The following PSMD13 variants were observed in gnomAD, a reference collection of about 807,000 sequenced individuals.
PSMD13 encodes 26S proteasome non-ATPase regulatory subunit 13.
Under a neutral mutation model 57.4 loss-of-function variants are expected in PSMD13, and 8 were observed. The observed-to-expected ratio is 0.14, with a 90% CI of 0.08 to 0.25. The LOEUF (loss-of-function observed/expected upper bound fraction) is 0.25. PSMD13 is among the 10% of genes least tolerant of loss of function. The pLI is 1.00. For synonymous variants in PSMD13, 193 were observed against 168.2 expected (o/e 1.15, Z -1.14); for missense variants, 400 against 461.5 (o/e 0.87, Z 1.22).
rs35323262 is a variant in PSMD13 at position 244,938 on chromosome 11, CT to C, written c.396+196del. Among the ~76,000 whole-genome samples the C allele has an allele frequency of 4.8e-3, 669 of 139,032 alleles. 2 individuals are homozygous for C. Among genetic ancestry groups the C allele is most frequent in the Middle Eastern group, 0.015 (4 of 274 alleles). The allele number at this position is 139,032 out of a possible 152,430, so 91.2% of individuals were successfully genotyped here. On this transcript the variant is annotated intron_variant, in intron 6 of 12. Coordinates refer to ENST00000532097, the MANE Select transcript of PSMD13 (RefSeq NM_002817.4). Reference sequence around the variant, plus strand: ...CCAACCTAAATTTCCCATTGCAAACCTTTTTTTTTTTTTTTTTTTAAAGACG... The same window carrying C: ...CCAACCTAAATTTCCCATTGCAAACCTTTTTTTTTTTTTTTTTTAAAGACG...
intron 2 of PSMD13, 60 bp downstream of exon 2, chr11:239,136 A>C (rs1475982239): frequency 7.1e-7 from 1 of 1,400,008 alleles, no homozygotes; most frequent in East Asian, 2.3e-5. Flanking sequence ...TTTTGAAAAT[A>C]AGATAGGCTT....
chr11:246,564 C>A (rs1859652549), intron 6 of PSMD13, among the ~76,000 whole-genome samples: 1 of 152,158 alleles, frequency 6.6e-6, no homozygotes, highest in Non-Finnish European at 1.5e-5. Flanking sequence ...ATAAGTATTT[C>A]TGTGCCTGGT....
At chr11:244,129 C>T (rs7116130) in intron 3 of PSMD13, 32 bp from the exon 4 acceptor site, 1,183,310 of 1,525,418 alleles carry the variant, frequency 0.78, 468,779 homozygotes, top group African/African-American at 0.89. Context: ...TGATGCTCGG[C>T]GGTGCTCAAA....
Position 250,829 on chromosome 11 carries a change from G to A in PSMD13, c.801G>A (p.Gln267=), listed in dbSNP as rs1859752657. ...QQPDLAANEA[Q]LLRKIQLLCL... ...CTGATTTAGCAGCTAATGAAGCCCA[G>A]CTTCTGAGGAAAATTCAGTTGTTGT... Residue 267 remains glutamine (Q), a synonymous_variant, in exon 10 of 13, where the codon CAG becomes CAA. Coordinates refer to ENST00000532097, the MANE Select transcript of PSMD13 (RefSeq NM_002817.4). 6.2e-7 allele frequency: 1 copy of A among 1,614,008 alleles called. No individual in the cohort carries two copies. The highest frequency in any genetic ancestry group is 2.2e-5 in the East Asian group (1 of 44,884).
chr11:244,126 C>T (rs1334583752), intron 3 of PSMD13, 35 bp from the exon 4 acceptor site: 7 of 1,605,984 alleles, frequency 4.4e-6, no homozygotes, highest in Non-Finnish European at 6.0e-6. Context: ...CATTGATGCT[C>T]GGCGGTGCTC....
At chr11:240,757 G>A (rs937199867) in intron 2 of PSMD13, among the ~76,000 whole-genome samples, 4 of 152,192 alleles carry the variant, frequency 2.6e-5, no homozygotes, top group African/African-American at 7.2e-5. Flanking sequence ...TGTCAGGAAA[G>A]TTCAAACATT....
At chr11:237,604 A>G (rs1295501682) in intron 1 of PSMD13, among the ~76,000 whole-genome samples, 2 of 151,344 alleles carry the variant, frequency 1.3e-5, no homozygotes, top group Non-Finnish European at 2.9e-5. Flanking sequence ...TATCTTTCTC[A>G]TGGTCTGGAG....
chr11:246,226 C>T (rs1859644709), intron 6 of PSMD13, among the ~76,000 whole-genome samples: 1 of 152,114 alleles, frequency 6.6e-6, no homozygotes, highest in African/African-American at 2.4e-5. Flanking sequence ...GATTTAGGGC[C>T]AGGTGCGATG....
At position 237,162 on chromosome 11, in the gene PSMD13, G is replaced by A; in HGVS notation, c.95+18G>A. 2.5e-6 allele frequency: 4 copies of A among 1,597,392 alleles called. No homozygotes were observed. Among genetic ancestry groups the A allele is most frequent in the Non-Finnish European group, 3.4e-6 (4 of 1,169,592 alleles). On this transcript the variant is annotated intron_variant, in intron 1 of 12. Transcript: ENST00000532097. ...ACGAAGAAGTGAGCGCCGAGCAGAC[G>A]GGCCCTGGGCCCCGGCGATAGAGGG...
At chr11:249,451 G>A (rs1015760855) in intron 9 of PSMD13, among the ~76,000 whole-genome samples, 7 of 152,010 alleles carry the variant, frequency 4.6e-5, no homozygotes, top group Non-Finnish European at 8.8e-5. Context: ...ACTGAAAGAG[G>A]GATGTGTGAG....
intron 10 of PSMD13, 96 bp downstream of exon 10, chr11:250,961 T>C: frequency 1.0e-5 from 11 of 1,089,060 alleles, no homozygotes; most frequent in Non-Finnish European, 1.5e-5. Flanking sequence ...CAGTGTGAGC[T>C]TTCAGTGGTG....
At chr11:240,664 T>A (rs6598069) in intron 2 of PSMD13, among the ~76,000 whole-genome samples, 120,639 of 152,158 alleles carry the variant, frequency 0.79, 48,128 homozygotes, top group African/African-American at 0.88. Context: ...GATAGTATTT[T>A]TGAATTTATA....
intron 2 of PSMD13, chr11:243,420 G>T: frequency 3.3e-6 from 1 of 302,402 alleles, no homozygotes. Context: ...CTTACTTATG[G>T]GGATTCACCT....
intron 9 of PSMD13, 88 bp from the exon 10 acceptor site, chr11:250,715 C>T (rs2133993033): frequency 1.6e-6 from 2 of 1,244,402 alleles, no homozygotes; most frequent in South Asian, 1.2e-5. Context: ...GTTGGGTCTA[C>T]TGTTATAGAA....
chr11:244,746 C>A lies in PSMD13; in HGVS notation c.381C>A (p.Asp127Glu), dbSNP rs1313185206. 1 of 1,612,114 alleles carries A rather than the reference C, an allele frequency of 6.2e-7. No homozygotes were observed. Among genetic ancestry groups the A allele is most frequent in the South Asian group, 1.1e-5 (1 of 90,908 alleles). The stretch of plus-strand genomic sequence containing the variant: ...GAGCTCTAAAATTAAACATCGGGGA[C>A]CTACAGGTTACAAAGGTGAGATCAC... ...AIGALKLNIG[D>E]LQVTKETIED... Residue 127 changes from aspartate (D) to glutamate (E), a missense_variant, in exon 6 of 13, where the codon GAC becomes GAA. Coordinates refer to ENST00000532097, the MANE Select transcript of PSMD13 (RefSeq NM_002817.4).
Position 237,161 on chromosome 11 carries a change from C to T in PSMD13, c.95+17C>T, listed in dbSNP as rs199600025. ...CACGAAGAAGTGAGCGCCGAGCAGA[C>T]GGGCCCTGGGCCCCGGCGATAGAGG... On this transcript the variant is annotated intron_variant, in intron 1 of 12. Coordinates refer to ENST00000532097, the MANE Select transcript of PSMD13 (RefSeq NM_002817.4). 1.6e-5 allele frequency: 26 copies of T among 1,603,926 alleles called. No individual in the cohort carries two copies. In the African/African-American group the frequency reaches 2.1e-4, roughly 13 times the overall value.
intron 2 of PSMD13, chr11:243,525 G>A (rs1423529799): frequency 9.1e-6 from 3 of 330,026 alleles, no homozygotes; most frequent in Non-Finnish European, 1.8e-5. Context: ...ATTTTCAACA[G>A]CCTTACTTAT....
chr11:246,494 CTG>C (rs1859650654), intron 6 of PSMD13, among the ~76,000 whole-genome samples: 1 of 152,054 alleles, frequency 6.6e-6, no homozygotes, highest in Non-Finnish European at 1.5e-5. Context: ...GAGCGAGACT[CTG>C]TCTCAAAAAA....
chr11:242,962 A>C (rs1446413874), intron 2 of PSMD13: 1 of 206,312 alleles, frequency 4.8e-6, no homozygotes, highest in Non-Finnish European at 1.0e-5. Context: ...TGCCCAGCTG[A>C]TTTTTGTATT....
Sources: allele counts gnomAD v4.1 joint callset (sites outside exome capture counted in the v4.1 genomes callset), GRCh38; gene constraint gnomAD v4.1.1; transcripts MANE v1.5; gene names NCBI Gene and HGNC (gene_info 2026-07-23, HGNC 2026-07-21).